UGT1A10: variants seen among roughly 807,000 people sequenced by gnomAD.
UGT1A10 encodes UDP glucuronosyltransferase family 1 member A10, also known as UDP-glucuronosyltransferase 1A10.
Under a neutral mutation model 45.8 loss-of-function variants are expected in UGT1A10, and 49 were observed. That is an observed-to-expected ratio of 1.07 (90% confidence interval 0.85 to 1.36). The LOEUF is 1.36. UGT1A10 is among the 40% of genes most tolerant of loss of function. The pLI is 0.00. For missense variants in UGT1A10, 745 were observed against 668.6 expected (o/e 1.11, Z -1.26); for synonymous variants, 284 against 249.7 (o/e 1.14, Z -1.29).
At chr2:233,690,042 AT>A in intron 1 of UGT1A10, 1 of 411,996 alleles carries the variant, frequency 2.4e-6, no homozygotes, top group South Asian at 1.8e-5. Flanking sequence ...GGCCCAGAGC[AT>A]TCTGACTTCT....
intron 1 of UGT1A10, among the ~76,000 whole-genome samples, chr2:233,731,931 T>A (rs963793811): frequency 5.3e-5 from 8 of 152,216 alleles, no homozygotes; most frequent in Non-Finnish European, 1.0e-4. Context: ...TTTCTCCACA[T>A]CCTCTCCAAC....
At chr2:233,767,659 C>G (rs975874168) in intron 2 of UGT1A10, among the ~76,000 whole-genome samples, 190 bp from the exon 3 acceptor site, 4 of 152,186 alleles carry the variant, frequency 2.6e-5, no homozygotes, top group African/African-American at 9.7e-5. Context: ...TGCATACACC[C>G]TTGTAACTAA....
At chr2:233,762,940 A>G (rs1474565729) in intron 1 of UGT1A10, among the ~76,000 whole-genome samples, 1 of 152,236 alleles carries the variant, frequency 6.6e-6, no homozygotes, top group Admixed American at 6.5e-5. Context: ...AAACAGTTGA[A>G]TAATTCTGGC....
intron 1 of UGT1A10, among the ~76,000 whole-genome samples, chr2:233,652,730 CT>C (rs1374961575): frequency 6.6e-6 from 1 of 152,190 alleles, no homozygotes; most frequent in Non-Finnish European, 1.5e-5. Context: ...AAAGAATAAT[CT>C]CTTCAACAGA....
chr2:233,740,163 G>T (rs1258097121), intron 1 of UGT1A10, among the ~76,000 whole-genome samples: 1 of 151,848 alleles, frequency 6.6e-6, no homozygotes, highest in Non-Finnish European at 1.5e-5. Flanking sequence ...CCCCAGTCAT[G>T]TGGAACTGTG....
intron 1 of UGT1A10, among the ~76,000 whole-genome samples, chr2:233,661,625 T>TTCTTTCTG (rs1271224877): frequency 1.9e-5 from 2 of 105,292 alleles, no homozygotes; most frequent in African/African-American, 6.2e-5. Flanking sequence ...TTACTGAATT[T>TTCTTTCTG]TCTTTCTTTC....
intron 1 of UGT1A10, chr2:233,671,745 A>G (rs1200134039): frequency 1.6e-6 from 2 of 1,253,620 alleles, no homozygotes; most frequent in African/African-American, 3.0e-5. Context: ...ATACAAATAG[A>G]TATCTCAGCA....
In UGT1A10 at chr2:233,676,738, T is replaced by C. The variant is rs187995028; in HGVS notation, c.855+39361T>C. Among the ~76,000 whole-genome samples, 375 of 152,302 alleles carry C rather than the reference T, an allele frequency of 2.5e-3. 1 individual carries two copies. Among genetic ancestry groups the C allele is most frequent in the African/African-American group, 8.4e-3 (350 of 41,570 alleles). ...GTGTGTGTTTTGCCTGATGTTTTCA[T>C]CGTGGTAAAACTGGGTTTATAGACT... On this transcript the variant is annotated intron_variant, in intron 1 of 4. Coordinates refer to ENST00000344644, the MANE Select transcript of UGT1A10 (RefSeq NM_019075.4).
At chr2:233,640,538 C>T (rs1469887338) in intron 1 of UGT1A10, among the ~76,000 whole-genome samples, 1 of 152,146 alleles carries the variant, frequency 6.6e-6, no homozygotes, top group Admixed American at 6.6e-5. Context: ...TTATGTTGAT[C>T]TATGGAACAG....
intron 1 of UGT1A10, 135 bp downstream of exon 1, chr2:233,637,512 T>G (rs1386101343): frequency 1.4e-6 from 2 of 1,471,440 alleles, no homozygotes; most frequent in East Asian, 2.3e-5. Context: ...AATTATTTTG[T>G]GCGAATTCAT....
In UGT1A10 at chr2:233,637,133, A is replaced by C; in HGVS notation, c.611A>C (p.Lys204Thr). The change falls in exon 1 of 5, where the codon AAG (lysine) becomes ACG (threonine). Residue 204 changes from lysine (K) to threonine (T), a missense_variant. Coordinates refer to ENST00000344644, the MANE Select transcript of UGT1A10 (RefSeq NM_019075.4). The stretch of plus-strand genomic sequence containing the variant: ...GGGTTCTCAGATGCCATGACTTTCA[A>C]GGAGAGAGTATGGAACCACATCGTG... ...LLGFSDAMTF[K>T]ERVWNHIVHL... is the part of the protein sequence containing the mutation. The C allele has an allele frequency of 6.2e-7, 1 of 1,613,978 alleles. No homozygotes were observed. Among genetic ancestry groups the C allele is most frequent in the Non-Finnish European group, 8.5e-7 (1 of 1,179,868 alleles).
intron 1 of UGT1A10, among the ~76,000 whole-genome samples, chr2:233,724,194 C>T (rs1375067088): frequency 3.2e-5 from 4 of 125,876 alleles, no homozygotes; most frequent in Non-Finnish European, 4.9e-5. Context: ...GACGGGGTGG[C>T]TGGCCGGGCT....
At chr2:233,654,645 G>A (rs1416523998) in intron 1 of UGT1A10, among the ~76,000 whole-genome samples, 3 of 152,206 alleles carry the variant, frequency 2.0e-5, no homozygotes, top group Non-Finnish European at 2.9e-5. Context: ...ATTGCTTGGC[G>A]ACATAGCAAC....
At chr2:233,752,938 T>C (rs1691143472) in intron 1 of UGT1A10, among the ~76,000 whole-genome samples, 1 of 152,262 alleles carries the variant, frequency 6.6e-6, no homozygotes, top group African/African-American at 2.4e-5. Context: ...CACTCTTTGC[T>C]GACCACTGAA....
chr2:233,688,176 G>A (rs1284708119), intron 1 of UGT1A10, among the ~76,000 whole-genome samples: 1 of 152,174 alleles, frequency 6.6e-6, no homozygotes, highest in Non-Finnish European at 1.5e-5. Context: ...CATGGAAATG[G>A]AAGCCTTTAT....
intron 1 of UGT1A10, among the ~76,000 whole-genome samples, chr2:233,677,869 G>A (rs1189282780): frequency 6.6e-6 from 1 of 151,890 alleles, no homozygotes; most frequent in Non-Finnish European, 1.5e-5. Flanking sequence ...CACATGCACT[G>A]GTATGTTCAT....
At chr2:233,704,477 T>C (rs1575478652) in intron 1 of UGT1A10, among the ~76,000 whole-genome samples, 2 of 152,176 alleles carry the variant, frequency 1.3e-5, no homozygotes, top group African/African-American at 2.4e-5. Context: ...CTTTCTCCCC[T>C]TTTTATGATA....
chr2:233,747,363 C>T, intron 1 of UGT1A10: 9 of 1,603,782 alleles, frequency 5.6e-6, no homozygotes, highest in South Asian at 1.1e-5. Context: ...CGTGCGGGAG[C>T]TCCATGCCAG....
chr2:233,751,022 C>T (rs902181349), intron 1 of UGT1A10, among the ~76,000 whole-genome samples: 2 of 151,802 alleles, frequency 1.3e-5, no homozygotes, highest in Non-Finnish European at 2.9e-5. Flanking sequence ...ATAGTAGATC[C>T]AATAGCTTGC....
Sources: gnomAD v4.1 joint callset for allele counts (sites outside exome capture counted in the v4.1 genomes callset) on GRCh38, gnomAD v4.1.1 for gene constraint, MANE v1.5 for transcripts, NCBI Gene and HGNC (gene_info 2026-07-23, HGNC 2026-07-21) for gene names.